SFSWAP: variants seen among roughly 807,000 people sequenced by gnomAD.
The protein encoded by SFSWAP is splicing factor SWAP.
SFSWAP carries 17 observed loss-of-function variants against 100.7 expected under a neutral mutation model. That is an observed-to-expected ratio of 0.17 (90% CI 0.12 to 0.25). The LOEUF (loss-of-function observed/expected upper bound fraction) is 0.25, where lower values mean the gene tolerates loss of function less well. SFSWAP is among the 10% of genes least tolerant of loss of function. The pLI, the probability that SFSWAP is intolerant of heterozygous loss-of-function variation, is 1.00. For synonymous variants in SFSWAP, 504 were observed against 510.1 expected (o/e 0.99, Z 0.16); for missense variants, 1,005 against 1,262.6 (o/e 0.80, Z 3.09).
At chr12:131,776,143 A>G (rs1311410577) in intron 13 of SFSWAP, among the ~76,000 whole-genome samples, 1 of 152,214 alleles carries the variant, frequency 6.6e-6, no homozygotes. Flanking sequence ...TTTGACCTGA[A>G]AAATATTGTT....
intron 15 of SFSWAP, among the ~76,000 whole-genome samples, chr12:131,791,611 G>C (rs1885230887): frequency 6.6e-6 from 1 of 151,800 alleles, no homozygotes. Context: ...AATTAACCGG[G>C]TGTGGTAGTG....
chr12:131,711,180 G>C lies in SFSWAP; in HGVS notation c.-50G>C, dbSNP rs1490666137. 2.8e-6 allele frequency: 4 copies of C among 1,445,856 alleles called. No individual in the cohort carries two copies. The highest frequency in any genetic ancestry group is 3.7e-6 in the Non-Finnish European group (4 of 1,077,144). 89.6% of individuals were successfully genotyped at this position (1,445,856 alleles called of 1,614,324 possible). A position where few individuals can be genotyped will look rare whatever the true frequency, so the allele number is the denominator to read the frequency against. On this transcript the variant is annotated 5_prime_UTR_variant, in exon 1 of 18. Coordinates refer to ENST00000261674, the MANE Select transcript of SFSWAP (RefSeq NM_004592.4). This position sits in a 1 kb window ranked among gnomAD's most constrained non-coding sequence, Gnocchi z 4.9. ...GGGTAGGCCAAGTGGAGGTATCAGG[G>C]ACGTCGCGCGGCACAGAAGAGGACC...
intron 13 of SFSWAP, among the ~76,000 whole-genome samples, chr12:131,768,100 C>T (rs756392909): frequency 6.6e-6 from 1 of 152,224 alleles, no homozygotes; most frequent in Non-Finnish European, 1.5e-5. Context: ...CTCTGAGAGT[C>T]GTTGCATATG....
At chr12:131,747,940 C>G (rs1435549209) in intron 7 of SFSWAP, among the ~76,000 whole-genome samples, 2 of 152,220 alleles carry the variant, frequency 1.3e-5, no homozygotes, top group African/African-American at 4.8e-5. Flanking sequence ...GAGTTCCTGT[C>G]AACAGGATTT....
chr12:131,799,304 C>T (rs1490658428), intron 17 of SFSWAP, 119 bp from the exon 18 acceptor site: 22 of 1,161,424 alleles, frequency 1.9e-5, no homozygotes, highest in Non-Finnish European at 2.8e-5. Flanking sequence ...GCTCCTCCGC[C>T]GCCCCCACGG....
intron 15 of SFSWAP, 157 bp from the exon 16 acceptor site, chr12:131,797,021 G>A (rs1234924045): frequency 4.5e-5 from 29 of 649,034 alleles, no homozygotes; most frequent in Non-Finnish European, 7.3e-5. Context: ...AATGAAATAA[G>A]TAGCTTTAAG....
chr12:131,770,364 G>A (rs529413549), intron 13 of SFSWAP, among the ~76,000 whole-genome samples: 2 of 152,306 alleles, frequency 1.3e-5, no homozygotes, highest in South Asian at 2.1e-4. Flanking sequence ...CAGGTCTGTC[G>A]GGGCCGTGGC....
At chr12:131,738,885 C>CTTTTTTTTTTTTTCTTTTTTTTTTTTT (rs1880308204) in intron 7 of SFSWAP, among the ~76,000 whole-genome samples, 1 of 48,718 alleles carries the variant, frequency 2.1e-5, no homozygotes, top group Non-Finnish European at 4.1e-5. Flanking sequence ...GAACATTATT[C>CTTTTTTTTTTTTTCTTTTTTTTTTTTT]TTTTTTTTTT....
At chr12:131,744,871 A>T (rs1292739584) in intron 7 of SFSWAP, among the ~76,000 whole-genome samples, 3 of 152,212 alleles carry the variant, frequency 2.0e-5, no homozygotes, top group Admixed American at 2.0e-4. Flanking sequence ...TCTTACATGG[A>T]TGGCAGCAGG....
chr12:131,719,519 G>C lies in SFSWAP; in HGVS notation c.586G>C (p.Val196Leu). 6.2e-7 allele frequency: 1 copy of C among 1,613,846 alleles called. No individual in the cohort carries two copies. Among genetic ancestry groups the C allele is most frequent in the Non-Finnish European group, 8.5e-7 (1 of 1,179,780 alleles). ...EPFVAPLGLS[V>L]PSDVELPPTA... ...CTTCGTTGCCCCCTTAGGATTGAGC[G>C]TCCCGTCTGACGTGGAGTTGGTATG... is the stretch of plus-strand genomic sequence containing the variant. Residue 196 changes from valine (V) to leucine (L), a missense_variant, in exon 4 of 18, where the codon GTC becomes CTC. Physicochemically the swap from Val to Leu is conservative, Grantham distance 32. This residue lies in a region of SFSWAP where 237 missense variants were observed against 337.0 expected (regional missense o/e 0.70). Transcript: ENST00000261674.
chr12:131,746,198 C>T (rs1881087246), intron 7 of SFSWAP, among the ~76,000 whole-genome samples: 1 of 152,202 alleles, frequency 6.6e-6, no homozygotes, highest in South Asian at 2.1e-4. Flanking sequence ...CACCTTGTAT[C>T]TCTGAGAAGT....
intron 11 of SFSWAP, among the ~76,000 whole-genome samples, chr12:131,761,368 C>T (rs567928397): frequency 1.4e-4 from 21 of 152,168 alleles, no homozygotes; most frequent in Non-Finnish European, 3.1e-4. Flanking sequence ...TGCATCTGTC[C>T]CCGCATGGTC....
chr12:131,764,941 T>C (rs1277688789), intron 12 of SFSWAP, among the ~76,000 whole-genome samples: 1 of 152,216 alleles, frequency 6.6e-6, no homozygotes, highest in African/African-American at 2.4e-5. Flanking sequence ...CCGTCTTAGC[T>C]CTAATGCGCC....
intron 13 of SFSWAP, 85 bp from the exon 14 acceptor site, chr12:131,777,980 G>A: frequency 6.5e-7 from 1 of 1,528,946 alleles, no homozygotes; most frequent in Non-Finnish European, 8.7e-7. Context: ...GTTGGTGTGA[G>A]GGGCCCAAAG....
At chr12:131,768,581 G>A (rs930794294) in intron 13 of SFSWAP, among the ~76,000 whole-genome samples, 11 of 152,156 alleles carry the variant, frequency 7.2e-5, no homozygotes, top group African/African-American at 2.4e-4. Flanking sequence ...TCGAGTCCCC[G>A]AGTGCCGCAG....
At position 131,778,252 on chromosome 12, in the gene SFSWAP, C is replaced by A; in HGVS notation, c.2330C>A (p.Ser777Ter). The A allele has an allele frequency of 6.2e-7, 1 of 1,614,170 alleles. No individual in the cohort carries two copies. The highest frequency in any genetic ancestry group is 1.1e-5 in the South Asian group (1 of 91,074). ...TCACGTTCTCCCAAGTACCATTCGTCATCCAAGTCCAGGTCTAGATCACAC... is the reference window on the plus strand; with the variant it reads ...TCACGTTCTCCCAAGTACCATTCGTAATCCAAGTCCAGGTCTAGATCACAC... ...TRSRSPKYHS[S>*]SKSRSRSHSK... The change falls in exon 14 of 18, where the codon TCA becomes TAA. Residue 777 changes from serine to a stop codon, truncating the protein, a stop_gained. Transcript: ENST00000261674. LOFTEE classifies it high-confidence loss of function. This position sits in a 1 kb window ranked among gnomAD's most constrained non-coding sequence, Gnocchi z 4.2.
chr12:131,788,687 G>T (rs1885056463), intron 15 of SFSWAP, among the ~76,000 whole-genome samples: 1 of 151,540 alleles, frequency 6.6e-6, no homozygotes, highest in Non-Finnish European at 1.5e-5. Context: ...CACCATGCCT[G>T]GCTGGCTGCT....
intron 13 of SFSWAP, among the ~76,000 whole-genome samples, chr12:131,772,050 C>T (rs1883657452): frequency 6.6e-6 from 1 of 152,108 alleles, no homozygotes; most frequent in Non-Finnish European, 1.5e-5. Flanking sequence ...TAGGAAGGGC[C>T]CTTTCTTTGT....
In SFSWAP at chr12:131,797,275, C is replaced by T. The variant is rs199659614; in HGVS notation, c.2632C>T (p.Arg878Trp). The T allele has an allele frequency of 2.5e-6, 4 of 1,612,094 alleles. No homozygotes were observed. The highest frequency in any genetic ancestry group is 3.3e-5 in the Admixed American group (2 of 59,960). ...GTCACCCAGCAAGCAGGCAGCGCCC[C>T]GGCCCGCGGCCCCCGCGGCCCACTC... ...SVSPSKQAAPRPAAPAAHSAH... is the reference protein window; with the variant it reads ...SVSPSKQAAPWPAAPAAHSAH... Residue 878 changes from arginine (R) to tryptophan (W), a missense_variant, in exon 16 of 18, where the codon CGG (arginine) becomes TGG (tryptophan). By Grantham distance (101) the Arg-to-Trp change is moderately radical (BLOSUM62 -3). Around this residue, in one of 7 missense-constraint regions of SFSWAP, gnomAD observed 295 missense variants for 347.9 expected, o/e 0.85. Coordinates refer to ENST00000261674, the MANE Select transcript of SFSWAP (RefSeq NM_004592.4).
Sources: gnomAD v4.1 joint callset for allele counts (sites outside exome capture counted in the v4.1 genomes callset) on GRCh38, gnomAD v4.1.1 for gene constraint, gnomAD v4.1.1 regional missense constraint, Gnocchi (gnomAD v3.1) non-coding constraint, MANE v1.5 for transcripts, NCBI Gene and HGNC (gene_info 2026-07-23, HGNC 2026-07-21) for gene names.